IKZF4: variants seen among roughly 807,000 people sequenced by gnomAD.
IKZF4 encodes IKAROS family zinc finger 4.
A neutral mutation model predicts 47.7 loss-of-function variants in IKZF4; 11 were observed. The observed-to-expected ratio is 0.23, with a 90% CI of 0.15 to 0.38. The LOEUF is 0.38. Ranked by LOEUF, IKZF4 falls within the 10% of genes least tolerant of loss-of-function variation. IKZF4 has a pLI of 1.00. For synonymous variants in IKZF4, 298 were observed against 299.4 expected (o/e 1.00, Z 0.05); for missense variants, 557 against 784.9 (o/e 0.71, Z 3.47).
chr12:56,016,495 C>T (rs181508175), upstream of IKZF4, among the ~76,000 whole-genome samples: 13 of 149,440 alleles, frequency 8.7e-5, no homozygotes, highest in Admixed American at 2.7e-4. Flanking sequence ...GATCTCGGTG[C>T]ACCGCAACCT....
At chr12:56,025,474 T>C (rs968805403) in intron 3 of IKZF4, among the ~76,000 whole-genome samples, 8 of 151,996 alleles carry the variant, frequency 5.3e-5, no homozygotes, top group African/African-American at 1.7e-4. Flanking sequence ...AGATAGGAAA[T>C]AGAGAGTAGA....
intron 1 of IKZF4, chr12:56,010,269 G>A (rs1413513487): frequency 6.6e-6 from 1 of 152,136 alleles, no homozygotes; most frequent in African/African-American, 2.4e-5. Context: ...TATGGACTCT[G>A]TTCTGGAAAC....
chr12:56,014,145 G>T (rs1278102204), intron 2 of IKZF4, among the ~76,000 whole-genome samples: 2 of 141,210 alleles, frequency 1.4e-5, no homozygotes, highest in East Asian at 4.1e-4. Context: ...GACAGATCGA[G>T]ACTCCGTCTC....
At chr12:56,007,851 C>A (rs1890891687) in intron 1 of IKZF4, 1 of 152,184 alleles carries the variant, frequency 6.6e-6, no homozygotes, top group Non-Finnish European at 1.5e-5. Flanking sequence ...GGGGAAGGGG[C>A]CAGGCTGAGA....
At chr12:56,010,397 T>C (rs932142597) in intron 1 of IKZF4, 4 of 152,054 alleles carry the variant, frequency 2.6e-5, no homozygotes, top group African/African-American at 7.2e-5. Context: ...GCAATACCTA[T>C]GCTGGGGTAG....
chr12:56,030,422 C>A (rs1894734359), intron 5 of IKZF4, among the ~76,000 whole-genome samples: 1 of 148,972 alleles, frequency 6.7e-6, no homozygotes, highest in Non-Finnish European at 1.5e-5. Flanking sequence ...CAGAGTGAGA[C>A]CCCATCTTGG....
intron 1 of IKZF4, chr12:56,021,880 A>G: frequency 2.2e-6 from 1 of 444,896 alleles, no homozygotes; most frequent in East Asian, 4.0e-5. Flanking sequence ...GCCTGGGGTG[A>G]AATGCCGAGA....
chr12:56,023,619 T>A (rs2658479), intron 1 of IKZF4, 52 bp from the exon 2 acceptor site: 1 of 1,596,896 alleles, frequency 6.3e-7, no homozygotes, highest in South Asian at 1.1e-5. Context: ...AGGATATGAA[T>A]GGGAAATGGT....
chr12:56,032,283 CA>C, intron 5 of IKZF4: 1 of 378,480 alleles, frequency 2.6e-6, no homozygotes, highest in Non-Finnish European at 4.8e-6. Flanking sequence ...TTCCTTTAAG[CA>C]ACAATTTGGC....
At chr12:56,008,225 G>A (rs943848738) in intron 1 of IKZF4, among the ~76,000 whole-genome samples, 1 of 152,186 alleles carries the variant, frequency 6.6e-6, no homozygotes, top group Non-Finnish European at 1.5e-5. Flanking sequence ...GAAACATGTA[G>A]AGAAGAAACT....
chr12:56,029,961 T>C (rs1894641995), intron 5 of IKZF4, among the ~76,000 whole-genome samples: 2 of 152,336 alleles, frequency 1.3e-5, no homozygotes, highest in South Asian at 2.1e-4. Flanking sequence ...TGGGTAGATT[T>C]TGGATGTTGA....
intron 6 of IKZF4, 141 bp downstream of exon 6, chr12:56,032,851 A>C (rs1408295415): frequency 2.9e-6 from 3 of 1,038,550 alleles, no homozygotes; most frequent in African/African-American, 3.2e-5. Flanking sequence ...TCTGCCAAAC[A>C]CCCCATTCTA....
upstream of IKZF4, chr12:56,020,984 GC>G (rs928168066): frequency 1.7e-4 from 181 of 1,035,940 alleles, no homozygotes; most frequent in African/African-American, 2.9e-3. Context: ...CTTCCCTAGG[GC>G]CCCCCCTTTC....
chr12:56,027,506 T>G lies in IKZF4; in HGVS notation c.548-274T>G, dbSNP rs1228006159. ...TGGGCTCCTAGGGCAGAGTGGGCCC[T>G]GTGGGGCTCAGTTTTTGGTAACAGT... On this transcript the variant is annotated intron_variant, in intron 4 of 7. Transcript: ENST00000547167. Among the ~76,000 whole-genome samples, 5 of 152,186 alleles carry G rather than the reference T, an allele frequency of 3.3e-5. No individual in the cohort carries two copies. The South Asian group carries it at 6.2e-4, about 19-fold the overall frequency.
At chr12:56,023,904 A>G in intron 2 of IKZF4, 140 bp downstream of exon 2, 1 of 1,481,562 alleles carries the variant, frequency 6.7e-7, no homozygotes, top group Non-Finnish European at 8.9e-7. Flanking sequence ...GTGTGCACAC[A>G]TCCATGCATG....
intron 2 of IKZF4, chr12:56,024,694 C>A (rs1450105829): frequency 1.8e-6 from 2 of 1,119,116 alleles, no homozygotes; most frequent in African/African-American, 1.7e-5. Flanking sequence ...CAGAGAGGAA[C>A]AGTAGGGAAG....
At position 56,021,277 on chromosome 12, in the gene IKZF4, C is replaced by G; in HGVS notation, c.-217C>G. ...TGCTCTCCCCTCTCCTTCTCTCCCT[C>G]TCTCTCTCTCTCTCTCTCACACACA... On this transcript the variant is annotated 5_prime_UTR_variant, in exon 1 of 8. Coordinates refer to ENST00000547167, the MANE Select transcript of IKZF4 (RefSeq NM_022465.4). 1 of 1,281,528 alleles carries G rather than the reference C, an allele frequency of 7.8e-7. No individual in the cohort carries two copies. Among genetic ancestry groups the G allele is most frequent in the South Asian group, 1.5e-5 (1 of 67,536 alleles). The allele number at this position is 1,281,528 out of a possible 1,614,324, so 79.4% of individuals were successfully genotyped here. A position where few individuals can be genotyped will look rare whatever the true frequency, so the allele number is the denominator to read the frequency against.
In IKZF4 at chr12:56,038,091, G is replaced by T. The variant is rs1414377856; in HGVS notation, c.*2760G>T. On this transcript the variant is annotated 3_prime_UTR_variant, in exon 8 of 8. Transcript: ENST00000547167. ...ACATATATATATATATTTTTAATCAGAAGTTATGAAGAACAAAAAGAAAAA... is the reference window on the plus strand; with the variant it reads ...ACATATATATATATATTTTTAATCATAAGTTATGAAGAACAAAAAGAAAAA... 6.7e-6 allele frequency: 1 copy of T among 149,562 alleles called. No homozygotes were observed. Among genetic ancestry groups the T allele is most frequent in the Non-Finnish European group, 1.5e-5 (1 of 67,462 alleles). 9.3% of individuals were successfully genotyped at this position (149,562 alleles called of 1,614,324 possible). A position where few individuals can be genotyped will look rare whatever the true frequency, so the allele number is the denominator to read the frequency against.
At position 56,035,079 on chromosome 12, in the gene IKZF4, G is replaced by A. The variant is rs374785955; in HGVS notation, c.1506G>A (p.Gln502=). ...PAYAKEDPKP[Q]EGLLRGTPGP... Reference sequence around the variant, plus strand: ...ACGCCAAAGAGGACCCCAAGCCACAGGAGGGGTTATTGCGGGGCACCCCAG... The same window carrying A: ...ACGCCAAAGAGGACCCCAAGCCACAAGAGGGGTTATTGCGGGGCACCCCAG... Residue 502 remains glutamine (Q), a synonymous_variant, in exon 8 of 8, where the codon CAG becomes CAA. Coordinates refer to ENST00000547167, the MANE Select transcript of IKZF4 (RefSeq NM_022465.4). This position sits in a 1 kb window ranked among gnomAD's most constrained non-coding sequence, Gnocchi z 6.1. The A allele has an allele frequency of 2.5e-6, 4 of 1,598,514 alleles. No individual in the cohort carries two copies. Among genetic ancestry groups the A allele is most frequent in the African/African-American group, 1.3e-5 (1 of 74,708 alleles).
Sources: allele counts gnomAD v4.1 joint callset (sites outside exome capture counted in the v4.1 genomes callset), GRCh38; gene constraint gnomAD v4.1.1; non-coding constraint Gnocchi (gnomAD v3.1); transcripts MANE v1.5; gene names NCBI Gene and HGNC (gene_info 2026-07-23, HGNC 2026-07-21).